The following CHN2 variants were observed in gnomAD, a reference collection of about 807,000 sequenced individuals.
CHN2 encodes beta-chimaerin.
Under a neutral mutation model 56.3 loss-of-function variants are expected in CHN2, and 35 were observed. The observed-to-expected ratio is 0.62, with a 90% CI of 0.47 to 0.82. CHN2 has a LOEUF of 0.82. Among genes scored for constraint, CHN2 ranks in the 40% least tolerant of loss-of-function variants. The pLI is 0.00. For synonymous variants in CHN2, 210 were observed against 212.8 expected (o/e 0.99, Z 0.12); for missense variants, 491 against 580.5 (o/e 0.85, Z 1.58).
chr7:29,406,495 C>T (rs558629701), intron 6 of CHN2, among the ~76,000 whole-genome samples: 1 of 152,268 alleles, frequency 6.6e-6, no homozygotes, highest in Admixed American at 6.5e-5. Context: ...CCCTGGCAGC[C>T]TGTGGAGTCC....
intron 1 of CHN2, among the ~76,000 whole-genome samples, chr7:29,268,286 ACAC>A (rs905236287): frequency 7.1e-6 from 1 of 140,554 alleles, no homozygotes; most frequent in African/African-American, 2.9e-5. Flanking sequence ...TCACCAGAAC[ACAC>A]ACACACACAC....
In CHN2 at chr7:29,334,386, AT is replaced by A. The variant is rs957271583; in HGVS notation, c.50-20238del. The stretch of plus-strand genomic sequence containing the variant: ...TGATGAGTGTAGAAAATGTTGGCAT[AT>A]CAAGTCATGGCAATTTGACATCACA... On this transcript the variant is annotated intron_variant, in intron 1 of 12. Coordinates refer to ENST00000222792, the MANE Select transcript of CHN2 (RefSeq NM_004067.4). The A allele has an allele frequency of 4.6e-4, 70 of 152,334 alleles. 1 individual carries two copies. Among genetic ancestry groups the A allele is most frequent in the African/African-American group, 1.6e-3 (66 of 41,586 alleles). The allele number at this position is 152,334 out of a possible 1,614,324, so 9.4% of individuals were successfully genotyped here.
upstream of CHN2, chr7:29,193,217 G>A (rs566610965): frequency 6.6e-6 from 1 of 152,180 alleles, no homozygotes; most frequent in South Asian, 2.1e-4. Flanking sequence ...TTAAAAAATG[G>A]ACCTTAATGA....
At chr7:29,470,793 A>G (rs1347355435) in intron 6 of CHN2, among the ~76,000 whole-genome samples, 1 of 152,244 alleles carries the variant, frequency 6.6e-6, no homozygotes, top group East Asian at 1.9e-4. Context: ...CCCAACATCA[A>G]TATTGCAGTT....
chr7:29,341,326 G>A (rs1021433187), intron 1 of CHN2, among the ~76,000 whole-genome samples: 3 of 152,188 alleles, frequency 2.0e-5, no homozygotes, highest in Admixed American at 6.5e-5. Context: ...ATGGGCCAGA[G>A]TGACTGGCTG....
At chr7:29,295,645 A>T (rs944839872) in intron 1 of CHN2, among the ~76,000 whole-genome samples, 3 of 152,064 alleles carry the variant, frequency 2.0e-5, no homozygotes, top group Non-Finnish European at 4.4e-5. Context: ...ATGGTTATTG[A>T]GGTGTTTTCT....
chr7:29,218,925 C>T (rs1428686769), intron 1 of CHN2, among the ~76,000 whole-genome samples: 1 of 150,510 alleles, frequency 6.6e-6, no homozygotes, highest in East Asian at 2.0e-4. Flanking sequence ...GCATGTTGTG[C>T]ACATGTACCC....
At chr7:29,445,600 CTTTTT>C (rs925842195) in intron 6 of CHN2, among the ~76,000 whole-genome samples, 2 of 152,044 alleles carry the variant, frequency 1.3e-5, no homozygotes, top group Admixed American at 6.5e-5. Flanking sequence ...ACCGTTTTTT[CTTTTT>C]TAAGTTTAGA....
At chr7:29,446,289 A>G (rs1784028963) in intron 6 of CHN2, among the ~76,000 whole-genome samples, 1 of 152,194 alleles carries the variant, frequency 6.6e-6, no homozygotes, top group African/African-American at 2.4e-5. Context: ...AATTTAAAAA[A>G]CAAACAAAAG....
intron 1 of CHN2, among the ~76,000 whole-genome samples, chr7:29,197,305 C>A (rs1783815746): frequency 1.3e-5 from 2 of 152,216 alleles, no homozygotes; most frequent in African/African-American, 4.8e-5. Flanking sequence ...AGGATTCCCT[C>A]TAGCTCTGAA....
At chr7:29,445,935 C>G (rs986021664) in intron 6 of CHN2, among the ~76,000 whole-genome samples, 1 of 152,028 alleles carries the variant, frequency 6.6e-6, no homozygotes, top group East Asian at 1.9e-4. Context: ...TCTTGCCTTA[C>G]TGTGGAGCCG....
chr7:29,407,048 A>G (rs1465265094), intron 6 of CHN2, among the ~76,000 whole-genome samples: 1 of 152,184 alleles, frequency 6.6e-6, no homozygotes, highest in Non-Finnish European at 1.5e-5. Flanking sequence ...GTCTCTCAGC[A>G]CGTGCTCCTT....
intron 7 of CHN2, among the ~76,000 whole-genome samples, chr7:29,486,419 A>G (rs1788003211): frequency 6.6e-6 from 1 of 152,188 alleles, no homozygotes; most frequent in African/African-American, 2.4e-5. Context: ...CAGGGTCATC[A>G]GATGGCGCAG....
intron 2 of CHN2, among the ~76,000 whole-genome samples, chr7:29,186,941 A>G (rs542087144): frequency 2.3e-4 from 35 of 152,286 alleles, no homozygotes; most frequent in African/African-American, 7.0e-4. Context: ...TTTAATTAAG[A>G]TATTATATAA....
upstream of CHN2, chr7:29,191,854 C>T (rs898074970): frequency 3.9e-5 from 6 of 152,092 alleles, no homozygotes; most frequent in Non-Finnish European, 8.8e-5. Flanking sequence ...CAAACAGGTC[C>T]CTGAGCCTAC....
At chr7:29,255,784 G>A (rs1789026700) in intron 1 of CHN2, among the ~76,000 whole-genome samples, 1 of 152,172 alleles carries the variant, frequency 6.6e-6, no homozygotes, top group South Asian at 2.1e-4. Flanking sequence ...CTGGTTTACT[G>A]ACATCATTTC....
intron 6 of CHN2, among the ~76,000 whole-genome samples, chr7:29,413,960 G>A (rs1038818435): frequency 1.3e-5 from 2 of 152,210 alleles, no homozygotes; most frequent in Admixed American, 1.3e-4. Flanking sequence ...AATTCCTCGA[G>A]AAGAGATGTG....
rs554913073 is a variant in CHN2 at position 29,398,475 on chromosome 7, G to T, written c.279G>T (p.Thr93=). 6.2e-7 allele frequency: 1 copy of T among 1,609,814 alleles called. No homozygotes were observed. The highest frequency in any genetic ancestry group is 8.5e-7 in the Non-Finnish European group (1 of 1,176,914). Residue 93 remains threonine (T), a synonymous_variant, in exon 5 of 13, where the codon ACG becomes ACT. Transcript: ENST00000222792. The part of the protein sequence containing the change: ...RESQRQPGCY[T]LALRFGNQTL... ...GCCAGCGGCAACCAGGATGCTACAC[G>T]CTGGCTCTCAGGTGAGGCGCATTTC...
intron 1 of CHN2, among the ~76,000 whole-genome samples, chr7:29,336,759 C>CAAAAA (rs5883205): frequency 1.5e-5 from 1 of 68,554 alleles, no homozygotes; most frequent in Non-Finnish European, 2.5e-5. Flanking sequence ...GATTCTGTCT[C>CAAAAA]AAAAAAAAAA....
Sources: allele counts gnomAD v4.1 joint callset (sites outside exome capture counted in the v4.1 genomes callset), GRCh38; gene constraint gnomAD v4.1.1; transcripts MANE v1.5; gene names NCBI Gene and HGNC (gene_info 2026-07-23, HGNC 2026-07-21).